Variants in CCDC178 observed in about 807,000 individuals in gnomAD.
The protein encoded by CCDC178 is coiled-coil domain containing 178.
Under a neutral mutation model 117.4 loss-of-function variants are expected in CCDC178, and 126 were observed. The observed-to-expected ratio is 1.07, with a 90% CI of 0.93 to 1.24. The LOEUF is 1.24. Among genes scored for constraint, CCDC178 ranks in the 50% most tolerant of loss-of-function variants. The pLI is 0.00. For synonymous variants in CCDC178, 283 were observed against 313.4 expected (o/e 0.90, Z 1.02); for missense variants, 1,030 against 986.9 (o/e 1.04, Z -0.59).
chr18:32,958,194 T>G (rs2144650814), intron 22 of CCDC178: 1 of 582,836 alleles, frequency 1.7e-6, no homozygotes. Context: ...TAAAAGCAAT[T>G]TTATTCTTTT....
chr18:33,254,392 G>A (rs1179802241), intron 14 of CCDC178, among the ~76,000 whole-genome samples: 1 of 151,750 alleles, frequency 6.6e-6, no homozygotes, highest in Admixed American at 6.6e-5. Context: ...TGTGGAAAGT[G>A]CTAAAAGGGA....
chr18:32,979,937 A>G (rs1310190628), intron 21 of CCDC178, among the ~76,000 whole-genome samples: 2 of 152,222 alleles, frequency 1.3e-5, no homozygotes, highest in Non-Finnish European at 2.9e-5. Flanking sequence ...TATGACAGAG[A>G]TATCACTACA....
At chr18:33,045,281 T>C (rs1348569293) in intron 21 of CCDC178, among the ~76,000 whole-genome samples, 1 of 152,218 alleles carries the variant, frequency 6.6e-6, no homozygotes, top group African/African-American at 2.4e-5. Context: ...TAGTTCCTGA[T>C]GCCTGTAGTG....
chr18:33,337,944 A>C (rs2062763129), intron 9 of CCDC178, among the ~76,000 whole-genome samples: 1 of 152,216 alleles, frequency 6.6e-6, no homozygotes, highest in Non-Finnish European at 1.5e-5. Flanking sequence ...TCTGCTCAGC[A>C]AAAGAAATAA....
chr18:33,261,129 G>T (rs113192836), intron 14 of CCDC178, among the ~76,000 whole-genome samples: 6,857 of 151,726 alleles, frequency 0.045, 189 homozygotes, highest in East Asian at 0.12. Flanking sequence ...TGTCGCCCAG[G>T]CTGGAGTGCA....
intron 20 of CCDC178, among the ~76,000 whole-genome samples, chr18:33,125,954 C>G (rs2057999442): frequency 6.6e-6 from 1 of 152,160 alleles, no homozygotes; most frequent in South Asian, 2.1e-4. Flanking sequence ...AGTTTAGATT[C>G]CAGGCTCTTG....
chr18:33,369,602 T>A (rs937083549), intron 6 of CCDC178, among the ~76,000 whole-genome samples: 1 of 152,044 alleles, frequency 6.6e-6, no homozygotes, highest in African/African-American at 2.4e-5. Flanking sequence ...TTTAACAGGT[T>A]AAAAAGACAT....
At chr18:33,367,499 T>C (rs2063227588) in intron 6 of CCDC178, among the ~76,000 whole-genome samples, 1 of 152,088 alleles carries the variant, frequency 6.6e-6, no homozygotes, top group Non-Finnish European at 1.5e-5. Context: ...TTTAAGTTCC[T>C]ATGTCAATGT....
intron 21 of CCDC178, among the ~76,000 whole-genome samples, chr18:32,978,336 T>C (rs1333002703): frequency 6.8e-6 from 1 of 147,228 alleles, no homozygotes; most frequent in Non-Finnish European, 1.5e-5. Context: ...AAATAACATA[T>C]GCACACAAAC....
At chr18:33,412,931 T>C (rs2063879651) in intron 2 of CCDC178, among the ~76,000 whole-genome samples, 1 of 152,150 alleles carries the variant, frequency 6.6e-6, no homozygotes, top group African/African-American at 2.4e-5. Context: ...TTTACCTAAG[T>C]AAATATCAAA....
chr18:33,351,517 G>A (rs1205272066), intron 7 of CCDC178, among the ~76,000 whole-genome samples: 1 of 151,550 alleles, frequency 6.6e-6, no homozygotes, highest in Admixed American at 6.6e-5. Flanking sequence ...ATGCATTGCT[G>A]GACTCAGGTT....
chr18:33,086,815 G>A (rs1189577039), intron 21 of CCDC178, among the ~76,000 whole-genome samples: 5 of 152,050 alleles, frequency 3.3e-5, no homozygotes, highest in South Asian at 4.1e-4. Flanking sequence ...TTTGGTGTGT[G>A]TGAAGGGGAG....
intron 21 of CCDC178, among the ~76,000 whole-genome samples, chr18:33,020,811 C>A (rs1260990057): frequency 6.6e-6 from 1 of 151,842 alleles, no homozygotes; most frequent in Non-Finnish European, 1.5e-5. Context: ...AGTTAATTCA[C>A]GTAAGTGAAT....
chr18:33,095,584 A>G lies in CCDC178; in HGVS notation c.2239-2674T>C, dbSNP rs62090752. Reference sequence around the variant, plus strand: ...GCGAAGATCTAACATAAGCAGGTGCACACGTTTTCAGTAAATGAATAAATG... The same window carrying G: ...GCGAAGATCTAACATAAGCAGGTGCGCACGTTTTCAGTAAATGAATAAATG... On this transcript the variant is annotated intron_variant, in intron 20 of 22. Transcript: ENST00000383096. Among the ~76,000 whole-genome samples, 666 of 152,202 alleles carry G rather than the reference A, an allele frequency of 4.4e-3. 1 individual carries two copies. Among genetic ancestry groups the G allele is most frequent in the Non-Finnish European group, 7.3e-3 (493 of 67,954 alleles).
intron 22 of CCDC178, among the ~76,000 whole-genome samples, chr18:32,955,536 G>C (rs1182027950): frequency 1.3e-5 from 2 of 152,010 alleles, no homozygotes; most frequent in African/African-American, 4.8e-5. Flanking sequence ...AACTGAATCT[G>C]GTTCATCTTT....
chr18:32,975,054 A>G (rs2055004692), intron 21 of CCDC178, among the ~76,000 whole-genome samples: 1 of 152,180 alleles, frequency 6.6e-6, no homozygotes, highest in Non-Finnish European at 1.5e-5. Flanking sequence ...CATCTTTTGA[A>G]GCCGTTTTGA....
chr18:33,368,650 A>G (rs2063252798), intron 6 of CCDC178, among the ~76,000 whole-genome samples: 1 of 151,938 alleles, frequency 6.6e-6, no homozygotes. Context: ...TTGAAAACAG[A>G]CAGAGGGTGT....
chr18:33,057,505 T>G (rs948696441), intron 21 of CCDC178, among the ~76,000 whole-genome samples: 3 of 152,172 alleles, frequency 2.0e-5, no homozygotes, highest in Admixed American at 2.0e-4. Context: ...CTGAATTTTT[T>G]TTTTAGATGG....
Position 33,266,907 on chromosome 18 carries a change from C to T in CCDC178, c.1409+9G>A, listed in dbSNP as rs760319197. ...TGGTATATAAGAAGAAAAGTATTTG[C>T]AAATTTACCTTTCATTGGTTTTTAC... On this transcript the variant is annotated intron_variant, in intron 14 of 22. Transcript: ENST00000383096. 16 of 1,547,292 alleles carry T rather than the reference C, an allele frequency of 1.0e-5. No individual in the cohort carries two copies. The South Asian group carries it at 1.9e-4, about 19-fold the overall frequency.
Sources: gnomAD v4.1 joint callset for allele counts (sites outside exome capture counted in the v4.1 genomes callset) on GRCh38, gnomAD v4.1.1 for gene constraint, MANE v1.5 for transcripts, NCBI Gene and HGNC (gene_info 2026-07-23, HGNC 2026-07-21) for gene names.